The following MYPN variants were observed in gnomAD, a reference collection of about 807,000 sequenced individuals.
MYPN encodes the protein sarcomeric protein myopalladin, 145 kDa (MYOP).
MYPN carries 63 observed loss-of-function variants against 129.4 expected under a neutral mutation model. That is an observed-to-expected ratio of 0.49 (90% confidence interval 0.40 to 0.60). The LOEUF (loss-of-function observed/expected upper bound fraction) is 0.60, where lower values mean the gene tolerates loss of function less well. Among genes scored for constraint, MYPN ranks in the 20% least tolerant of loss-of-function variants. The pLI, the probability that MYPN is intolerant of heterozygous loss-of-function variation, is 0.00. For missense variants in MYPN, 1,596 were observed against 1,635.4 expected (o/e 0.98, Z 0.42); for synonymous variants, 629 against 600.9 (o/e 1.05, Z -0.68).
intron 2 of MYPN, among the ~76,000 whole-genome samples, chr10:68,139,336 C>T (rs1337549852): frequency 6.6e-6 from 1 of 152,150 alleles, no homozygotes; most frequent in African/African-American, 2.4e-5. Flanking sequence ...ACTAATATCC[C>T]CAAGTGGGCA....
chr10:68,176,424 T>C (rs2043228331), intron 12 of MYPN, among the ~76,000 whole-genome samples: 1 of 152,162 alleles, frequency 6.6e-6, no homozygotes, highest in South Asian at 2.1e-4. Flanking sequence ...AAAATTTCAG[T>C]CAGTACAGTA....
intron 16 of MYPN, among the ~76,000 whole-genome samples, chr10:68,197,930 G>A (rs2043639022): frequency 6.6e-6 from 1 of 152,048 alleles, no homozygotes; most frequent in African/African-American, 2.4e-5. Flanking sequence ...GTGGGCAAAT[G>A]GGTGATTCAT....
At chr10:68,205,248 C>A (rs748179665) in intron 18 of MYPN, among the ~76,000 whole-genome samples, 2 of 152,154 alleles carry the variant, frequency 1.3e-5, no homozygotes, top group African/African-American at 4.8e-5. Context: ...CCCAGAATAA[C>A]CTTTTCCCCT....
rs74143024 is a variant in MYPN, at chr10:68,129,746, A to C, written c.902+7406A>C. ...GCCAATATTGATATTATTGTTTGAG[A>C]CCAGAAGTGTTTCAAATTTCAATTT... On this transcript the variant is annotated intron_variant, in intron 2 of 19. Coordinates refer to ENST00000358913, the MANE Select transcript of MYPN (RefSeq NM_032578.4). 8.2e-3 allele frequency among the ~76,000 whole-genome samples: 1,248 copies of C among 152,256 alleles called. 15 individuals carry two copies. Among genetic ancestry groups the C allele is most frequent in the African/African-American group, 0.028 (1,162 of 41,546 alleles).
chr10:68,189,164 A>C (rs554731396), intron 13 of MYPN, 38 bp downstream of exon 13: 1 of 1,460,558 alleles, frequency 6.8e-7, no homozygotes, highest in East Asian at 2.3e-5. Context: ...ACCTCACAGC[A>C]TGAAGCTATA....
At chr10:68,178,711 T>TAAAAA (rs2043266720) in intron 12 of MYPN, among the ~76,000 whole-genome samples, 1 of 36,138 alleles carries the variant, frequency 2.8e-5, no homozygotes, top group Non-Finnish European at 8.6e-5. Context: ...AGACTCTGCC[T>TAAAAA]CAAAAAAAAA....
At chr10:68,197,310 T>C (rs1418402488) in intron 15 of MYPN, 42 bp from the exon 16 acceptor site, 6 of 1,605,810 alleles carry the variant, frequency 3.7e-6, no homozygotes, top group South Asian at 1.1e-5. Context: ...AGTTTGTAAA[T>C]TTATTTCTAT....
chr10:68,158,297 G>A (rs943629401), intron 6 of MYPN, 189 bp from the exon 7 acceptor site: 4 of 604,610 alleles, frequency 6.6e-6, no homozygotes, highest in Non-Finnish European at 8.7e-6. Context: ...TCGCCTGCTA[G>A]AGCCTCCAAA....
At chr10:68,209,495 ATTGT>A (rs2043870482) in intron 19 of MYPN, among the ~76,000 whole-genome samples, 1 of 152,038 alleles carries the variant, frequency 6.6e-6, no homozygotes, top group African/African-American at 2.4e-5. Flanking sequence ...GGGCAAACCC[ATTGT>A]TTGGCTTTCA....
chr10:68,111,332 T>G (rs1301349899), intron 1 of MYPN, among the ~76,000 whole-genome samples: 1 of 152,226 alleles, frequency 6.6e-6, no homozygotes, highest in Non-Finnish European at 1.5e-5. Context: ...ATAGGAATAG[T>G]AGACTCAGTT....
chr10:68,187,298 C>T (rs1328101665), intron 12 of MYPN, among the ~76,000 whole-genome samples: 5 of 120,034 alleles, frequency 4.2e-5, no homozygotes, highest in East Asian at 4.3e-4. Flanking sequence ...AGAGGGAAGA[C>T]TCCATCTCAA....
At chr10:68,184,264 G>C (rs2043385219) in intron 12 of MYPN, among the ~76,000 whole-genome samples, 1 of 152,202 alleles carries the variant, frequency 6.6e-6, no homozygotes, top group South Asian at 2.1e-4. Context: ...AGAGTAAAAA[G>C]AGTCTGATAT....
chr10:68,169,228 G>A (rs1242363695), intron 10 of MYPN, among the ~76,000 whole-genome samples: 1 of 147,902 alleles, frequency 6.8e-6, no homozygotes, highest in Non-Finnish European at 1.5e-5. Context: ...TGTTGTGGCG[G>A]GCGCCTGTAG....
chr10:68,189,189 G>A lies in MYPN; in HGVS notation c.2925+63G>A, dbSNP rs542816510. 3.3e-4 allele frequency: 388 copies of A among 1,187,346 alleles called. 1 individual carries two copies. In the African/African-American group the frequency reaches 5.1e-3, roughly 16 times the overall value. 73.6% of individuals were successfully genotyped at this position (1,187,346 alleles called of 1,614,324 possible). On this transcript the variant is annotated intron_variant, in intron 13 of 19. Coordinates refer to ENST00000358913, the MANE Select transcript of MYPN (RefSeq NM_032578.4). The stretch of plus-strand genomic sequence containing the variant: ...ATGAAGCTATAGACAGTGCCTTCAA[G>A]AAGGTCTTTAAAAAATATACGCAAT...
At chr10:68,112,291 C>A (rs2042092655) in intron 1 of MYPN, among the ~76,000 whole-genome samples, 3 of 152,060 alleles carry the variant, frequency 2.0e-5, no homozygotes, top group Admixed American at 1.3e-4. Context: ...TAAATAGTAC[C>A]TTTGAGCTCT....
chr10:68,169,116 C>T (rs552429914), intron 10 of MYPN, among the ~76,000 whole-genome samples: 98 of 138,734 alleles, frequency 7.1e-4, no homozygotes, highest in Non-Finnish European at 1.3e-3. Flanking sequence ...GAGGCCAAGG[C>T]GGGCGGATCA....
intron 12 of MYPN, among the ~76,000 whole-genome samples, chr10:68,179,631 C>T (rs890484950): frequency 3.3e-5 from 5 of 152,160 alleles, no homozygotes; most frequent in African/African-American, 9.7e-5. Context: ...TGGTAACAAT[C>T]CAACTTAATT....
intron 12 of MYPN, 141 bp from the exon 13 acceptor site, chr10:68,188,764 G>T (rs1261593931): frequency 2.7e-6 from 2 of 744,788 alleles, no homozygotes; most frequent in Non-Finnish European, 4.7e-6. Flanking sequence ...TGAGAAACTG[G>T]ATCTGGAACA....
intron 16 of MYPN, among the ~76,000 whole-genome samples, chr10:68,198,272 T>A (rs1002465461): frequency 9.2e-5 from 14 of 152,186 alleles, no homozygotes; most frequent in African/African-American, 3.4e-4. Flanking sequence ...CTTTGAAAAT[T>A]TATAGACATG....
Sources: gnomAD v4.1 joint callset for allele counts (sites outside exome capture counted in the v4.1 genomes callset) on GRCh38, gnomAD v4.1.1 for gene constraint, MANE v1.5 for transcripts, NCBI Gene and HGNC (gene_info 2026-07-23, HGNC 2026-07-21) for gene names.